Variants in GAN observed in about 807,000 individuals in gnomAD.
GAN encodes gigaxonin.
Under a neutral mutation model 71.3 loss-of-function variants are expected in GAN, and 48 were observed. The observed-to-expected ratio is 0.67, with a 90% CI of 0.53 to 0.86. GAN has a LOEUF of 0.86. Among genes scored for constraint, GAN ranks in the 40% least tolerant of loss-of-function variants. The pLI, the probability that GAN is intolerant of heterozygous loss-of-function variation, is 0.00. For missense variants in GAN, 928 were observed against 770.1 expected (o/e 1.21, Z -2.43); for synonymous variants, 386 against 276.8 (o/e 1.39, Z -3.92).
At chr16:81,315,394 C>T (rs1283758657) in intron 1 of GAN, 114 bp downstream of exon 1, 14 of 668,926 alleles carry the variant, frequency 2.1e-5, no homozygotes, top group Non-Finnish European at 2.9e-5. Flanking sequence ...CGCCGGGGTC[C>T]CCGCGTCACC....
At chr16:81,364,468 T>C (rs1007492240) in intron 7 of GAN, among the ~76,000 whole-genome samples, 1 of 152,172 alleles carries the variant, frequency 6.6e-6, no homozygotes, top group Non-Finnish European at 1.5e-5. Flanking sequence ...GGTTTCACTA[T>C]GTTGCCCCGG....
At chr16:81,317,238 CCTTT>C (rs1230219862) in intron 1 of GAN, among the ~76,000 whole-genome samples, 13 of 152,350 alleles carry the variant, frequency 8.5e-5, no homozygotes, top group Admixed American at 2.6e-4. Flanking sequence ...TGAATGACTG[CCTTT>C]CTTTCTACCA....
In GAN at chr16:81,340,912, G is replaced by A. The variant is rs1288494819; in HGVS notation, c.168-10671G>A. On this transcript the variant is annotated intron_variant, in intron 1 of 10. Transcript: ENST00000648994. Reference sequence around the variant, plus strand: ...AGCGTTCAAAAAGGGTTAGACAAATGGCTAACTAGAATAACCAGTGTAGAG... The same window carrying A: ...AGCGTTCAAAAAGGGTTAGACAAATAGCTAACTAGAATAACCAGTGTAGAG... 2.0e-5 allele frequency among the ~76,000 whole-genome samples: 3 copies of A among 151,952 alleles called. No homozygotes were observed. The East Asian group carries it at 5.8e-4, about 30-fold the overall frequency.
rs145041230 is a variant in GAN, at chr16:81,368,829, A to G, written c.1502+3351A>G. Among the ~76,000 whole-genome samples, 1,432 of 152,318 alleles carry G rather than the reference A, an allele frequency of 9.4e-3. 9 individuals carry two copies. The highest frequency in any genetic ancestry group is 0.014 in the Non-Finnish European group (977 of 68,024). On this transcript the variant is annotated intron_variant, in intron 9 of 10. Coordinates refer to ENST00000648994, the MANE Select transcript of GAN (RefSeq NM_022041.4). The stretch of plus-strand genomic sequence containing the variant: ...GTGGTTTTGAAAGATGAACCTGACA[A>G]AAATCAGCCAGGCATAGTGGCACAT...
intron 9 of GAN, among the ~76,000 whole-genome samples, chr16:81,369,188 A>G (rs1481358346): frequency 6.6e-6 from 1 of 152,244 alleles, no homozygotes; most frequent in African/African-American, 2.4e-5. Flanking sequence ...TATAACTAGA[A>G]TAGACATACT....
rs534902707 is a variant in GAN at position 81,387,339 on chromosome 16, C to A, written c.*9743C>A. ...GCCCTAGGGGAGGTTGGCACGGCAA[C>A]CTTCCCACTCCGTAGGTGGGTAGCC... On this transcript the variant is annotated 3_prime_UTR_variant, in exon 11 of 11. Transcript: ENST00000648994. 6.6e-6 allele frequency: 1 copy of A among 152,172 alleles called. No homozygotes were observed. The highest frequency in any genetic ancestry group is 1.9e-4 in the East Asian group (1 of 5,148). 9.4% of individuals were successfully genotyped at this position (152,172 alleles called of 1,614,324 possible). A position where few individuals can be genotyped will look rare whatever the true frequency, so the allele number is the denominator to read the frequency against.
chr16:81,339,519 C>G (rs1004559875), intron 1 of GAN, among the ~76,000 whole-genome samples: 1 of 152,122 alleles, frequency 6.6e-6, no homozygotes, highest in Non-Finnish European at 1.5e-5. Context: ...AACTGCTGGG[C>G]TAGGTTGTCA....
chr16:81,359,202 T>TC (rs34699709), intron 5 of GAN, among the ~76,000 whole-genome samples: 70,543 of 151,790 alleles, frequency 0.46, 16,770 homozygotes, highest in Middle Eastern at 0.57. Context: ...CCCTTACATT[T>TC]CCCCCAAAAT....
In GAN at chr16:81,378,584, T is replaced by C. The variant is rs1237099440; in HGVS notation, c.*988T>C. On this transcript the variant is annotated 3_prime_UTR_variant, in exon 11 of 11. Coordinates refer to ENST00000648994, the MANE Select transcript of GAN (RefSeq NM_022041.4). ...ACCTGTCTGAAAGCACACAAAGTCT[T>C]GTTTACTACTGTTTAGGGTTTGAAA... 6.6e-6 allele frequency: 1 copy of C among 152,620 alleles called. No individual in the cohort carries two copies. Among genetic ancestry groups the C allele is most frequent in the Non-Finnish European group, 1.5e-5 (1 of 68,048 alleles). The allele number at this position is 152,620 out of a possible 1,614,324, so 9.5% of individuals were successfully genotyped here.
At chr16:81,346,671 C>G (rs941467599) in intron 1 of GAN, among the ~76,000 whole-genome samples, 4 of 152,138 alleles carry the variant, frequency 2.6e-5, no homozygotes, top group Non-Finnish European at 4.4e-5. Flanking sequence ...TCCCTGGTGC[C>G]AAAAAGGTTG....
chr16:81,363,972 C>CTGTGGACACATTAAGTTTAAAATCCAA, intron 7 of GAN, 29 bp downstream of exon 7: 2 of 1,562,614 alleles, frequency 1.3e-6, no homozygotes, highest in Non-Finnish European at 8.8e-7. Flanking sequence ...GATAACTAGT[C>CTGTGGACACATTAAGTTTAAAATCCAA]TGTGTACACA....
chr16:81,347,143 G>A (rs1306962783), intron 1 of GAN, among the ~76,000 whole-genome samples: 2 of 152,266 alleles, frequency 1.3e-5, no homozygotes, highest in Middle Eastern at 3.4e-3. Context: ...TCTCTTGACG[G>A]AGAATTGACT....
chr16:81,377,071 G>A (rs997941546), intron 9 of GAN, 148 bp from the exon 10 acceptor site: 20 of 750,338 alleles, frequency 2.7e-5, no homozygotes, highest in African/African-American at 1.5e-4. Flanking sequence ...GCAGCATGTC[G>A]GTGGTTACCT....
rs538978963 is a variant in GAN, at chr16:81,377,425, C to T, written c.1623C>T (p.Tyr541=). 7.4e-6 allele frequency: 12 copies of T among 1,613,650 alleles called. No individual in the cohort carries two copies. Among genetic ancestry groups the T allele is most frequent in the South Asian group, 2.2e-5 (2 of 91,072 alleles). Residue 541 remains tyrosine (Y), a synonymous_variant, in exon 11 of 11, where the codon TAC becomes TAT. Coordinates refer to ENST00000648994, the MANE Select transcript of GAN (RefSeq NM_022041.4). ...VIGDLDTGTN[Y]DYVREFKRST... ...ATTTCTGTGGCTTAGGTACCAATTA[C>T]GACTACGTGCGTGAGTTTAAAAGAA... is the stretch of plus-strand genomic sequence containing the variant.
intron 1 of GAN, among the ~76,000 whole-genome samples, chr16:81,342,778 G>C (rs1263249888): frequency 6.6e-6 from 1 of 152,126 alleles, no homozygotes; most frequent in Non-Finnish European, 1.5e-5. Flanking sequence ...AAATAACTAA[G>C]ATCAGAGCAG....
intron 1 of GAN, among the ~76,000 whole-genome samples, chr16:81,341,355 A>G (rs1204445056): frequency 2.0e-5 from 3 of 152,222 alleles, no homozygotes; most frequent in Non-Finnish European, 4.4e-5. Flanking sequence ...CAAGGTTGAA[A>G]TGAAGGAAAA....
chr16:81,324,862 A>G (rs1032845595), intron 1 of GAN, among the ~76,000 whole-genome samples: 10 of 152,242 alleles, frequency 6.6e-5, no homozygotes, highest in Non-Finnish European at 1.2e-4. Flanking sequence ...ATAAAAGCCA[A>G]GAGTGGAACC....
chr16:81,363,773 G>C, intron 6 of GAN, 21 bp from the exon 7 acceptor site: 2 of 1,610,534 alleles, frequency 1.2e-6, no homozygotes, highest in South Asian at 2.2e-5. Flanking sequence ...GTGTGTTCAG[G>C]GATCGCTAAT....
At chr16:81,346,444 T>C (rs1382547818) in intron 1 of GAN, among the ~76,000 whole-genome samples, 2 of 152,182 alleles carry the variant, frequency 1.3e-5, no homozygotes, top group African/African-American at 4.8e-5. Context: ...GCCCTGGTGA[T>C]GGAGCTTTCC....
Sources: gnomAD v4.1 joint callset for allele counts (sites outside exome capture counted in the v4.1 genomes callset) on GRCh38, gnomAD v4.1.1 for gene constraint, MANE v1.5 for transcripts, NCBI Gene and HGNC (gene_info 2026-07-23, HGNC 2026-07-21) for gene names.